Variants in IGF2BP3 observed in about 807,000 individuals in gnomAD.
The protein encoded by IGF2BP3 is insulin-like growth factor 2 mRNA-binding protein 3.
Under a neutral mutation model 73.8 loss-of-function variants are expected in IGF2BP3, and 9 were observed. That is an observed-to-expected ratio of 0.12 (90% CI 0.07 to 0.21). The LOEUF (loss-of-function observed/expected upper bound fraction) is 0.21. Ranked by LOEUF, IGF2BP3 falls within the 10% of genes least tolerant of loss-of-function variation. The probability of loss-of-function intolerance (pLI) is 1.00; values close to 1 mark genes in which losing one functional copy is unlikely to be tolerated. For synonymous variants in IGF2BP3, 258 were observed against 256.7 expected, an observed-to-expected ratio of 1.01 and a Z score of -0.05; for missense variants, 542 against 714.0, an observed-to-expected ratio of 0.76 and a Z score of 2.75.
chr7:23,442,648 T>C (rs1787963707), intron 2 of IGF2BP3, among the ~76,000 whole-genome samples: 1 of 152,134 alleles, frequency 6.6e-6, no homozygotes, highest in South Asian at 2.1e-4. Context: ...CCCACCCACC[T>C]CAGCCTCCCA....
chr7:23,415,783 C>T (rs1218627703), intron 3 of IGF2BP3, among the ~76,000 whole-genome samples: 2 of 152,236 alleles, frequency 1.3e-5, no homozygotes, highest in Admixed American at 1.3e-4. Context: ...GGCCTTCCAA[C>T]CCTCAGGCCG....
At chr7:23,433,773 A>G (rs1487371489) in intron 2 of IGF2BP3, among the ~76,000 whole-genome samples, 2 of 152,172 alleles carry the variant, frequency 1.3e-5, no homozygotes, top group African/African-American at 4.8e-5. Context: ...AATTTGAAGA[A>G]CAATCAAGAA....
intron 2 of IGF2BP3, among the ~76,000 whole-genome samples, chr7:23,440,872 T>A (rs1168629290): frequency 6.6e-6 from 1 of 152,224 alleles, no homozygotes; most frequent in Non-Finnish European, 1.5e-5. Flanking sequence ...ACCTTGAACA[T>A]AAGAATACAA....
At chr7:23,452,197 G>A (rs958618449) in intron 2 of IGF2BP3, among the ~76,000 whole-genome samples, 2 of 151,630 alleles carry the variant, frequency 1.3e-5, no homozygotes, top group Non-Finnish European at 2.9e-5. Context: ...GTAGAGATGG[G>A]GTTTCACCGT....
chr7:23,376,712 C>T (rs1251412691), intron 3 of IGF2BP3, among the ~76,000 whole-genome samples: 1 of 151,820 alleles, frequency 6.6e-6, no homozygotes, highest in Admixed American at 6.6e-5. Context: ...ACAAAAAATA[C>T]AAAAAATTAC....
intron 9 of IGF2BP3, 133 bp downstream of exon 9, chr7:23,343,585 T>C: frequency 1.2e-6 from 1 of 803,936 alleles, no homozygotes; most frequent in Non-Finnish European, 2.0e-6. Flanking sequence ...CCAGGGTACT[T>C]GCTGAGGTGC....
intron 3 of IGF2BP3, among the ~76,000 whole-genome samples, chr7:23,385,346 G>A (rs1025078779): frequency 1.3e-5 from 2 of 152,220 alleles, no homozygotes; most frequent in African/African-American, 2.4e-5. Flanking sequence ...CAGATCTACT[G>A]TGGTTCTCAA....
intron 3 of IGF2BP3, among the ~76,000 whole-genome samples, chr7:23,411,094 T>G (rs919976613): frequency 1.1e-4 from 17 of 152,212 alleles, no homozygotes; most frequent in African/African-American, 4.1e-4. Flanking sequence ...TATCTGCTAT[T>G]TATTTAGAAC....
chr7:23,409,764 G>A (rs1786959063), intron 3 of IGF2BP3, among the ~76,000 whole-genome samples: 1 of 152,252 alleles, frequency 6.6e-6, no homozygotes, highest in South Asian at 2.1e-4. Context: ...TAAGACAATA[G>A]GAGAAAACCT....
chr7:23,319,010 T>C (rs1784065636), intron 11 of IGF2BP3, 128 bp downstream of exon 11: 2 of 642,434 alleles, frequency 3.1e-6, no homozygotes, highest in South Asian at 4.1e-5. Context: ...TGTTTGGGGG[T>C]TTCTTCATAT....
intron 2 of IGF2BP3, among the ~76,000 whole-genome samples, chr7:23,424,354 T>G (rs1787438696): frequency 6.6e-6 from 1 of 151,438 alleles, no homozygotes; most frequent in East Asian, 2.0e-4. Flanking sequence ...AAAAATTAGC[T>G]GGGCGTAGTG....
At chr7:23,336,575 G>A (rs1002386701) in intron 10 of IGF2BP3, among the ~76,000 whole-genome samples, 1 of 151,466 alleles carries the variant, frequency 6.6e-6, no homozygotes, top group African/African-American at 2.4e-5. Flanking sequence ...GCACGATCTC[G>A]GCTCATTGCA....
intron 3 of IGF2BP3, among the ~76,000 whole-genome samples, chr7:23,364,332 C>T (rs1785311043): frequency 6.6e-6 from 1 of 151,516 alleles, no homozygotes; most frequent in Admixed American, 6.6e-5. Context: ...TGAGATCGTG[C>T]CACTGCAGTC....
chr7:23,365,448 C>G (rs1281934879), intron 3 of IGF2BP3, among the ~76,000 whole-genome samples: 1 of 152,120 alleles, frequency 6.6e-6, no homozygotes. Context: ...ACAATACCGA[C>G]TAAACCTACA....
intron 10 of IGF2BP3, 91 bp from the exon 11 acceptor site, chr7:23,319,345 C>G (rs894177030): frequency 9.1e-6 from 7 of 765,400 alleles, no homozygotes; most frequent in Non-Finnish European, 1.6e-5. Context: ...CCTTCTCATG[C>G]AGTAGGAATA....
intron 12 of IGF2BP3, 123 bp from the exon 13 acceptor site, chr7:23,313,776 A>C: frequency 1.1e-6 from 1 of 879,400 alleles, no homozygotes; most frequent in Non-Finnish European, 1.7e-6. Context: ...TACATTTCAT[A>C]GATTGTTGAA....
At chr7:23,421,586 G>A (rs1277495272) in intron 2 of IGF2BP3, among the ~76,000 whole-genome samples, 1 of 150,736 alleles carries the variant, frequency 6.6e-6, no homozygotes, top group Non-Finnish European at 1.5e-5. Flanking sequence ...CGGCTACTCG[G>A]GAGGCTGAGG....
chr7:23,339,302 T>TA (rs1784650713), intron 10 of IGF2BP3, among the ~76,000 whole-genome samples: 1 of 152,236 alleles, frequency 6.6e-6, no homozygotes, highest in South Asian at 2.1e-4. Flanking sequence ...GCCACTGATT[T>TA]AAGTCATTCA....
In IGF2BP3 at chr7:23,470,140, A is replaced by C. The variant is rs767843002; in HGVS notation, c.-30T>G. 5 of 1,555,250 alleles carry C rather than the reference A, an allele frequency of 3.2e-6. No homozygotes were observed. In the Admixed American group the frequency reaches 9.7e-5, roughly 30 times the overall value. ...AAGAGTGGTTGTTTAAAAAAAAATAACGAGAAAAAACGAAAAATTAAAACC... is the reference window on the plus strand; with the variant it reads ...AAGAGTGGTTGTTTAAAAAAAAATACCGAGAAAAAACGAAAAATTAAAACC... On this transcript the variant is annotated 5_prime_UTR_variant, in exon 1 of 15. Transcript: ENST00000258729.
Sources: allele counts gnomAD v4.1 joint callset (sites outside exome capture counted in the v4.1 genomes callset), GRCh38; gene constraint gnomAD v4.1.1; transcripts MANE v1.5; gene names NCBI Gene and HGNC (gene_info 2026-07-23, HGNC 2026-07-21).